The following LNX2 variants were observed in gnomAD, a reference collection of about 807,000 sequenced individuals.
The protein encoded by LNX2 is ligand of numb-protein X 2.
LNX2 carries 35 observed loss-of-function variants against 66.2 expected under a neutral mutation model. That is an observed-to-expected ratio of 0.53 (90% CI 0.40 to 0.70). The LOEUF is 0.70. Ranked by LOEUF, LNX2 falls within the 30% of genes least tolerant of loss-of-function variation. The pLI, the probability that LNX2 is intolerant of heterozygous loss-of-function variation, is 0.00. For missense variants in LNX2, 791 were observed against 850.8 expected, an observed-to-expected ratio of 0.93 and a Z score of 0.87; for synonymous variants, 337 against 315.6, an observed-to-expected ratio of 1.07 and a Z score of -0.72.
At chr13:27,617,053 A>C (rs1224729202) in intron 1 of LNX2, among the ~76,000 whole-genome samples, 3 of 152,202 alleles carry the variant, frequency 2.0e-5, no homozygotes, top group Non-Finnish European at 2.9e-5. Flanking sequence ...TGGCCAAAAA[A>C]TTCCTCTTAA....
intron 4 of LNX2, among the ~76,000 whole-genome samples, chr13:27,565,691 A>G (rs9507909): frequency 0.57 from 86,678 of 152,052 alleles, 25,186 homozygotes; most frequent in African/African-American, 0.67. Flanking sequence ...CGTCTATTAC[A>G]TCTAAGTATT....
chr13:27,610,670 G>GCA (rs1955762897), intron 1 of LNX2, among the ~76,000 whole-genome samples: 1 of 152,080 alleles, frequency 6.6e-6, no homozygotes. Flanking sequence ...AAAAACTTTT[G>GCA]CACATCAAAG....
chr13:27,569,724 C>T (rs961733669), intron 2 of LNX2, among the ~76,000 whole-genome samples: 1 of 152,194 alleles, frequency 6.6e-6, no homozygotes, highest in African/African-American at 2.4e-5. Context: ...CTTCTACACT[C>T]TTCACAGACA....
intron 9 of LNX2, among the ~76,000 whole-genome samples, chr13:27,549,935 C>T (rs1218509331): frequency 1.3e-5 from 2 of 152,182 alleles, no homozygotes; most frequent in Non-Finnish European, 2.9e-5. Flanking sequence ...TTACTCAGCG[C>T]TCAATGTCAC....
Position 27,548,454 on chromosome 13 carries a change from C to A in LNX2, c.1954G>T (p.Val652Leu). 1 of 1,613,968 alleles carries A rather than the reference C, an allele frequency of 6.2e-7. No homozygotes were observed. Among genetic ancestry groups the A allele is most frequent in the Non-Finnish European group, 8.5e-7 (1 of 1,179,944 alleles). The change falls in exon 10 of 10, where the codon GTG (valine) becomes TTG (leucine). Residue 652 changes from valine (V) to leucine (L), a missense_variant. Coordinates refer to ENST00000316334, the MANE Select transcript of LNX2 (RefSeq NM_153371.4). ...DGRLKCGDMI[V>L]AVNGLSTVGM... ...ACGGTTGACAGCCCATTTACGGCCA[C>A]AATCATGTCACCACACCTGGACAAA...
In LNX2 at chr13:27,550,412, C is replaced by T. The variant is rs1311975299; in HGVS notation, c.1858G>A (p.Glu620Lys). ...AAAGGCTGATTGGTGTGGTTCTCTT[C>T]ATATCCACCAACGATACTAAAGCCC... ...SWGFSIVGGY[E>K]ENHTNQPFFI... Residue 620 changes from glutamate (E) to lysine (K), a missense_variant, in exon 9 of 10, where the codon GAA becomes AAA. Transcript: ENST00000316334. 1.2e-6 allele frequency: 2 copies of T among 1,613,740 alleles called. No individual in the cohort carries two copies. Among genetic ancestry groups the T allele is most frequent in the South Asian group, 1.1e-5 (1 of 91,070 alleles).
intron 2 of LNX2, among the ~76,000 whole-genome samples, chr13:27,581,050 T>C (rs1440620354): frequency 6.6e-6 from 1 of 152,246 alleles, no homozygotes; most frequent in African/African-American, 2.4e-5. Context: ...ATCAGTTTCA[T>C]ATTACAGCAG....
At chr13:27,566,829 C>T (rs1955211808) in intron 4 of LNX2, among the ~76,000 whole-genome samples, 1 of 152,056 alleles carries the variant, frequency 6.6e-6, no homozygotes, top group South Asian at 2.1e-4. Flanking sequence ...TGAATATTTC[C>T]TCTCTCTCCT....
chr13:27,564,310 T>C (rs1442951744), intron 4 of LNX2, among the ~76,000 whole-genome samples: 2 of 152,220 alleles, frequency 1.3e-5, no homozygotes, highest in African/African-American at 2.4e-5. Flanking sequence ...ATATTGTTTC[T>C]AGATTTTGTA....
chr13:27,553,078 T>C, intron 8 of LNX2, 130 bp downstream of exon 8: 3 of 693,144 alleles, frequency 4.3e-6, no homozygotes, highest in South Asian at 3.8e-5. Flanking sequence ...GTAATTTGAT[T>C]TGATGTTGCT....
chr13:27,558,287 C>T (rs1040414859), intron 6 of LNX2, among the ~76,000 whole-genome samples: 9 of 151,318 alleles, frequency 5.9e-5, no homozygotes, highest in African/African-American at 2.2e-4. Flanking sequence ...TGAACACATT[C>T]CATTTCAAGT....
chr13:27,583,280 A>C (rs1044087332), intron 1 of LNX2, among the ~76,000 whole-genome samples: 1 of 74,328 alleles, frequency 1.3e-5, no homozygotes, highest in Non-Finnish European at 2.7e-5. Flanking sequence ...CAACATACTT[A>C]TTTTTAAGTT....
intron 2 of LNX2, among the ~76,000 whole-genome samples, chr13:27,580,056 TTTCA>T (rs1303797921): frequency 1.3e-5 from 2 of 152,208 alleles, no homozygotes; most frequent in Non-Finnish European, 2.9e-5. Flanking sequence ...TCTTTGTTTT[TTTCA>T]TTGTTTCTCA....
At chr13:27,564,841 A>T (rs1955185288) in intron 4 of LNX2, among the ~76,000 whole-genome samples, 1 of 152,056 alleles carries the variant, frequency 6.6e-6, no homozygotes, top group South Asian at 2.1e-4. Flanking sequence ...AAAAAATACC[A>T]ATAGGCCTCT....
chr13:27,583,253 T>TGC (rs1566124862), intron 1 of LNX2, among the ~76,000 whole-genome samples: 14 of 46,882 alleles, frequency 3.0e-4, no homozygotes, highest in African/African-American at 6.1e-4. Flanking sequence ...TGTGTGTGTG[T>TGC]GTGCGCGCGT....
chr13:27,582,160 G>T (rs1164600077), intron 1 of LNX2, among the ~76,000 whole-genome samples: 2 of 152,018 alleles, frequency 1.3e-5, no homozygotes, highest in East Asian at 1.9e-4. Context: ...CTCCCGAGTA[G>T]CTGGTACTAC....
chr13:27,572,784 G>A (rs1955298185), intron 2 of LNX2, among the ~76,000 whole-genome samples: 1 of 152,166 alleles, frequency 6.6e-6, no homozygotes, highest in Admixed American at 6.6e-5. Context: ...TATTAATAGT[G>A]GGGGTGGTGG....
intron 2 of LNX2, among the ~76,000 whole-genome samples, chr13:27,577,865 A>T (rs1247417198): frequency 6.6e-6 from 1 of 152,198 alleles, no homozygotes; most frequent in Non-Finnish European, 1.5e-5. Context: ...TGAGTGGTAG[A>T]GCGTAGGAGG....
In LNX2 at chr13:27,581,636, C is replaced by T; in HGVS notation, c.68G>A (p.Cys23Tyr). 6.2e-7 allele frequency: 1 copy of T among 1,614,080 alleles called. No homozygotes were observed. Among genetic ancestry groups the T allele is most frequent in the Non-Finnish European group, 8.5e-7 (1 of 1,179,998 alleles). Residue 23 changes from cysteine to tyrosine, a missense_variant, in exon 2 of 10, where the codon TGT (cysteine) becomes TAT (tyrosine). Coordinates refer to ENST00000316334, the MANE Select transcript of LNX2 (RefSeq NM_153371.4). Reference sequence around the variant, plus strand: ...CCAGTGCTGTTGGCCACATTCAAAACACAGGGGGTTTAGAGAAGAGGAGGA... The same window carrying T: ...CCAGTGCTGTTGGCCACATTCAAAATACAGGGGGTTTAGAGAAGAGGAGGA... Reference protein sequence around the residue: ...QTSSSSLNPLCFECGQQHWTR... With the variant: ...QTSSSSLNPLYFECGQQHWTR...
Sources: gnomAD v4.1 joint callset for allele counts (sites outside exome capture counted in the v4.1 genomes callset) on GRCh38, gnomAD v4.1.1 for gene constraint, MANE v1.5 for transcripts, NCBI Gene and HGNC (gene_info 2026-07-23, HGNC 2026-07-21) for gene names.